Variants in CALN1 observed in about 807,000 individuals in gnomAD.
The protein encoded by CALN1 is calneuron 1, also known as calcium-binding protein 8.
CALN1 carries 17 observed loss-of-function variants against 30.6 expected under a neutral mutation model. That is an observed-to-expected ratio of 0.56 (90% CI 0.38 to 0.83). CALN1 has a LOEUF of 0.83. Among genes scored for constraint, CALN1 ranks in the 40% least tolerant of loss-of-function variants. The pLI is 0.00. For missense variants in CALN1, 291 were observed against 354.9 expected, an observed-to-expected ratio of 0.82 and a Z score of 1.45; for synonymous variants, 156 against 131.4, an observed-to-expected ratio of 1.19 and a Z score of -1.28.
intron 2 of CALN1, among the ~76,000 whole-genome samples, chr7:72,399,338 T>C (rs1459622970): frequency 6.9e-6 from 1 of 144,320 alleles, no homozygotes; most frequent in Non-Finnish European, 1.5e-5. Flanking sequence ...TGGCGCGATC[T>C]TGGCTCACTG....
chr7:72,282,424 A>T (rs573948022), intron 2 of CALN1, among the ~76,000 whole-genome samples: 8 of 152,322 alleles, frequency 5.3e-5, no homozygotes, highest in Admixed American at 1.3e-4. Context: ...ACTGGAATCT[A>T]AGACTCTAAT....
At chr7:72,405,421 G>A (rs1312511812) in intron 1 of CALN1, among the ~76,000 whole-genome samples, 4 of 152,100 alleles carry the variant, frequency 2.6e-5, no homozygotes, top group Non-Finnish European at 4.4e-5. Flanking sequence ...AATTATGGTG[G>A]AAGGCAAAGG....
At chr7:71,798,632 T>C (rs1247708542) in intron 6 of CALN1, among the ~76,000 whole-genome samples, 1 of 148,888 alleles carries the variant, frequency 6.7e-6, no homozygotes, top group East Asian at 2.0e-4. Context: ...TTTTTTTTTT[T>C]TTCTTCTCAG....
chr7:72,050,288 T>A (rs190952983), intron 4 of CALN1, among the ~76,000 whole-genome samples: 1 of 152,170 alleles, frequency 6.6e-6, no homozygotes. Flanking sequence ...TCTTTCAAGA[T>A]GAAAATTTCA....
intron 2 of CALN1, among the ~76,000 whole-genome samples, chr7:72,286,593 C>A (rs1254288011): frequency 6.6e-6 from 1 of 152,224 alleles, no homozygotes; most frequent in Admixed American, 6.5e-5. Flanking sequence ...CTTACTCCAG[C>A]AAAGATGCTC....
intron 3 of CALN1, among the ~76,000 whole-genome samples, chr7:72,233,632 T>C (rs1794267229): frequency 6.6e-6 from 1 of 152,040 alleles, no homozygotes; most frequent in South Asian, 2.1e-4. Context: ...GGCAGGAGGA[T>C]TGTTTGAGCC....
chr7:72,235,033 C>A (rs188776425), intron 3 of CALN1, among the ~76,000 whole-genome samples: 1 of 152,070 alleles, frequency 6.6e-6, no homozygotes, highest in Admixed American at 6.6e-5. Flanking sequence ...CTTTGGGAGG[C>A]CAAGGTGAGA....
intron 3 of CALN1, among the ~76,000 whole-genome samples, chr7:72,186,696 G>C (rs139017362): frequency 4.6e-5 from 7 of 152,156 alleles, no homozygotes; most frequent in Admixed American, 1.3e-4. Flanking sequence ...TGTTACTTAG[G>C]ATAATGGCCT....
chr7:71,883,467 T>C (rs896952810), intron 5 of CALN1, among the ~76,000 whole-genome samples: 41 of 152,122 alleles, frequency 2.7e-4, no homozygotes, highest in African/African-American at 9.9e-4. Flanking sequence ...AGTCACTCCG[T>C]TTCTCTTCTT....
At chr7:71,848,575 A>G (rs572462075) in intron 5 of CALN1, among the ~76,000 whole-genome samples, 3 of 152,272 alleles carry the variant, frequency 2.0e-5, no homozygotes, top group African/African-American at 7.2e-5. Flanking sequence ...TTATTACAGA[A>G]AAAAAGCTTA....
intron 4 of CALN1, among the ~76,000 whole-genome samples, chr7:72,062,822 C>T (rs2129537134): frequency 6.6e-6 from 1 of 152,234 alleles, no homozygotes; most frequent in South Asian, 2.1e-4. Flanking sequence ...ATTGCATTCA[C>T]AGTTTAAAAC....
chr7:72,142,720 C>T (rs1158695576), intron 3 of CALN1, among the ~76,000 whole-genome samples: 2 of 152,128 alleles, frequency 1.3e-5, no homozygotes, highest in Admixed American at 1.3e-4. Context: ...CTGGGAAGCA[C>T]CCCCCAGTAG....
chr7:72,107,751 G>C (rs1389802840), intron 3 of CALN1, among the ~76,000 whole-genome samples: 1 of 152,162 alleles, frequency 6.6e-6, no homozygotes, highest in Non-Finnish European at 1.5e-5. Context: ...CTAGTTGATA[G>C]AAAGTCAACT....
intron 3 of CALN1, among the ~76,000 whole-genome samples, chr7:72,160,681 G>A (rs1490235601): frequency 6.6e-6 from 1 of 152,118 alleles, no homozygotes; most frequent in Non-Finnish European, 1.5e-5. Context: ...AAATAACAGT[G>A]GGTTCATGAA....
chr7:72,467,720 T>C, the CALN1 span, among the ~76,000 whole-genome samples: 1 of 152,188 alleles, frequency 6.6e-6, no homozygotes, highest in African/African-American at 2.4e-5. Flanking sequence ...TTGGATCTTT[T>C]TAAAAAATAT....
intron 4 of CALN1, among the ~76,000 whole-genome samples, chr7:72,043,720 G>A (rs575386200): frequency 2.0e-5 from 3 of 152,248 alleles, no homozygotes; most frequent in African/African-American, 2.4e-5. Flanking sequence ...GCAGTTGTCC[G>A]GTCTAGACAA....
At chr7:71,812,862 T>C (rs1307897656) in intron 5 of CALN1, among the ~76,000 whole-genome samples, 1 of 151,808 alleles carries the variant, frequency 6.6e-6, no homozygotes, top group Non-Finnish European at 1.5e-5. Flanking sequence ...TCCTGCCTCA[T>C]CCTCCTAAGT....
At chr7:71,827,812 A>AAATAAATG (rs1789018726) in intron 5 of CALN1, among the ~76,000 whole-genome samples, 1 of 151,248 alleles carries the variant, frequency 6.6e-6, no homozygotes, top group East Asian at 1.9e-4. Context: ...ATAAATAAAT[A>AAATAAATG]AGGACTCCAG....
intron 5 of CALN1, among the ~76,000 whole-genome samples, chr7:71,932,113 C>T (rs1431850584): frequency 6.6e-6 from 1 of 152,168 alleles, no homozygotes; most frequent in African/African-American, 2.4e-5. Context: ...CCCAGGTTGT[C>T]AGTGTGCTTT....
Sources: gnomAD v4.1 joint callset for allele counts (sites outside exome capture counted in the v4.1 genomes callset) on GRCh38, gnomAD v4.1.1 for gene constraint, MANE v1.5 for transcripts, NCBI Gene and HGNC (gene_info 2026-07-23, HGNC 2026-07-21) for gene names.